KIRREL3: variants seen among roughly 807,000 people sequenced by gnomAD.
KIRREL3 encodes kin of IRRE-like protein 3.
A neutral mutation model predicts 89.7 loss-of-function variants in KIRREL3; 36 were observed. That is an observed-to-expected ratio of 0.40 (90% CI 0.31 to 0.53). The LOEUF (loss-of-function observed/expected upper bound fraction) is 0.53. Among genes scored for constraint, KIRREL3 ranks in the 20% least tolerant of loss-of-function variants. The pLI is 0.49. For missense variants in KIRREL3, 864 were observed against 1,056.6 expected, an observed-to-expected ratio of 0.82 and a Z score of 2.53; for synonymous variants, 445 against 441.4, an observed-to-expected ratio of 1.01 and a Z score of -0.10.
intron 1 of KIRREL3, among the ~76,000 whole-genome samples, chr11:126,982,644 C>T (rs1056571870): frequency 3.3e-5 from 5 of 152,206 alleles, no homozygotes; most frequent in African/African-American, 1.2e-4. Context: ...CAGCCCAACA[C>T]CTCCAGGCGT....
At position 126,473,325 on chromosome 11, in the gene KIRREL3, C is replaced by T; in HGVS notation, c.575G>A (p.Gly192Glu). ...IWLRKGEVIN[G>E]ATYSKTLLRD... ...AGGCCTCACCTTGGAGTAGGTGGCCCCATTGATGACCTCTCCCTTTCGCAA... is the reference window on the plus strand; with the variant it reads ...AGGCCTCACCTTGGAGTAGGTGGCCTCATTGATGACCTCTCCCTTTCGCAA... The change falls in exon 5 of 17, where the codon GGG becomes GAG. Residue 192 changes from glycine to glutamate, a missense_variant. Transcript: ENST00000525144. The T allele has an allele frequency of 1.3e-6, 2 of 1,501,470 alleles. No individual in the cohort carries two copies. Among genetic ancestry groups the T allele is most frequent in the Non-Finnish European group, 1.8e-6 (2 of 1,122,146 alleles). 93.0% of individuals were successfully genotyped at this position (1,501,470 alleles called of 1,614,324 possible). A position where few individuals can be genotyped will look rare whatever the true frequency, so the allele number is the denominator to read the frequency against.
Position 126,772,299 on chromosome 11 carries a change from A to G in KIRREL3, c.56-209387T>C, listed in dbSNP as rs1950042741. Among the ~76,000 whole-genome samples the G allele has an allele frequency of 6.6e-6, 1 of 152,196 alleles. No individual in the cohort carries two copies. The highest frequency in any genetic ancestry group is 2.4e-5 in the African/African-American group (1 of 41,444). On this transcript the variant is annotated intron_variant, in intron 1 of 16. Transcript: ENST00000525144. This position sits in a 1 kb window ranked among gnomAD's most constrained non-coding sequence, Gnocchi z 4.6. The stretch of plus-strand genomic sequence containing the variant: ...AATATTTTTTGGGTCAATGTTTGTA[A>G]GACCAGACTCTTAAATTCAAGGCAG...
chr11:126,877,358 A>G lies in KIRREL3; in HGVS notation c.55+123097T>C, dbSNP rs946581686. 6.6e-6 allele frequency among the ~76,000 whole-genome samples: 1 copy of G among 152,202 alleles called. No homozygotes were observed. Among genetic ancestry groups the G allele is most frequent in the African/African-American group, 2.4e-5 (1 of 41,450 alleles). ...CTTCTGTACATTCAAGTTAAATGTAAGTCAGGTTGGGCAGGGTTTGGTCAG... is the reference window on the plus strand; with the variant it reads ...CTTCTGTACATTCAAGTTAAATGTAGGTCAGGTTGGGCAGGGTTTGGTCAG... On this transcript the variant is annotated intron_variant, in intron 1 of 16. Transcript: ENST00000525144. The surrounding 1 kb of genome is among the most constrained non-coding windows in gnomAD (Gnocchi z 4.9).
chr11:126,560,247 A>G (rs1287186276), intron 2 of KIRREL3, among the ~76,000 whole-genome samples: 4 of 152,008 alleles, frequency 2.6e-5, no homozygotes, highest in Non-Finnish European at 5.9e-5. Flanking sequence ...TGATGGCTCA[A>G]TTGTGTTGGG....
chr11:126,876,538 C>CTT lies in KIRREL3; in HGVS notation c.55+123915_55+123916dup, dbSNP rs34978323. ...CTTACAGTACATACTCATAAATATG[C>CTT]TTTTTTTTTTTTTTTTTGAGATGGA... is the stretch of plus-strand genomic sequence containing the variant. On this transcript the variant is annotated intron_variant, in intron 1 of 16. Coordinates refer to ENST00000525144, the MANE Select transcript of KIRREL3 (RefSeq NM_032531.4). The surrounding 1 kb of genome is among the most constrained non-coding windows in gnomAD (Gnocchi z 4.1). Among the ~76,000 whole-genome samples, 74 of 115,346 alleles carry CTT rather than the reference C, an allele frequency of 6.4e-4. No homozygotes were observed. The highest frequency in any genetic ancestry group is 2.3e-3 in the African/African-American group (70 of 30,942). 75.7% of individuals were successfully genotyped at this position (115,346 alleles called of 152,430 possible).
chr11:126,922,005 A>G lies in KIRREL3; in HGVS notation c.55+78450T>C, dbSNP rs569557572. On this transcript the variant is annotated intron_variant, in intron 1 of 16. Transcript: ENST00000525144. ...TATCTATCTATCTATCTATCTATCTATCATCTATCTTCCTATCTATCTTCC... is the reference window on the plus strand; with the variant it reads ...TATCTATCTATCTATCTATCTATCTGTCATCTATCTTCCTATCTATCTTCC... Among the ~76,000 whole-genome samples, 3 of 128,768 alleles carry G rather than the reference A, an allele frequency of 2.3e-5. No individual in the cohort carries two copies. In the East Asian group the frequency reaches 6.7e-4, roughly 29 times the overall value. 84.5% of individuals were successfully genotyped at this position (128,768 alleles called of 152,430 possible).
chr11:126,671,647 A>G (rs1945955560), intron 1 of KIRREL3, among the ~76,000 whole-genome samples: 1 of 152,250 alleles, frequency 6.6e-6, no homozygotes, highest in Non-Finnish European at 1.5e-5. Flanking sequence ...TCACCAAAGA[A>G]GATACACAGA....
chr11:126,937,658 T>TG lies in KIRREL3; in HGVS notation c.55+62796dup, dbSNP rs530058551. On this transcript the variant is annotated intron_variant, in intron 1 of 16. Coordinates refer to ENST00000525144, the MANE Select transcript of KIRREL3 (RefSeq NM_032531.4). ...GCTCATGCCTGTAATCCCAGCACTT[T>TG]GGAGGCCAAGGCGGGTGGATCACGA... Among the ~76,000 whole-genome samples, 27 of 151,758 alleles carry TG rather than the reference T, an allele frequency of 1.8e-4. No homozygotes were observed. In the East Asian group the frequency reaches 2.7e-3, roughly 15 times the overall value.
At chr11:126,738,543 T>C (rs942293621) in intron 1 of KIRREL3, among the ~76,000 whole-genome samples, 5 of 152,086 alleles carry the variant, frequency 3.3e-5, no homozygotes, top group Non-Finnish European at 7.4e-5. Flanking sequence ...CTATTTTTTT[T>C]CCCCCTAGGA....
chr11:126,566,773 A>T lies in KIRREL3; in HGVS notation c.56-3861T>A, dbSNP rs1477107655. 6.6e-6 allele frequency among the ~76,000 whole-genome samples: 1 copy of T among 152,062 alleles called. No homozygotes were observed. Among genetic ancestry groups the T allele is most frequent in the Non-Finnish European group, 1.5e-5 (1 of 68,008 alleles). ...AGTAATGTAGTGATACGGTGGTATTATTTCATATTTGTGGGATACTTATTT... is the reference window on the plus strand; with the variant it reads ...AGTAATGTAGTGATACGGTGGTATTTTTTCATATTTGTGGGATACTTATTT... On this transcript the variant is annotated intron_variant, in intron 1 of 16. Transcript: ENST00000525144. The surrounding 1 kb of genome is among the most constrained non-coding windows in gnomAD (Gnocchi z 4.9).
rs578023447 is a variant in KIRREL3 at position 126,622,668 on chromosome 11, G to A, written c.56-59756C>T. On this transcript the variant is annotated intron_variant, in intron 1 of 16. Coordinates refer to ENST00000525144, the MANE Select transcript of KIRREL3 (RefSeq NM_032531.4). The surrounding 1 kb of genome is among the most constrained non-coding windows in gnomAD (Gnocchi z 5.2). ...CACGCCAGTGCACTCCAGCCTGGGC[G>A]ACAAGAGCGAAACTCTGTCTCAAAA... 2.6e-5 allele frequency among the ~76,000 whole-genome samples: 4 copies of A among 152,226 alleles called. No homozygotes were observed. The highest frequency in any genetic ancestry group is 2.1e-4 in the South Asian group (1 of 4,820).
Position 126,443,275 on chromosome 11 carries a change from C to T in KIRREL3, c.1252+1704G>A, listed in dbSNP as rs759988090. On this transcript the variant is annotated intron_variant, in intron 10 of 16. Transcript: ENST00000525144. This position sits in a 1 kb window ranked among gnomAD's most constrained non-coding sequence, Gnocchi z 7.3. ...CTGCAGGCACAGACAGCCTGACTTC[C>T]GAGTGCCCTGGCTGGCGCGGGCTGT... Among the ~76,000 whole-genome samples the T allele has an allele frequency of 6.6e-6, 1 of 152,166 alleles. No individual in the cohort carries two copies. The highest frequency in any genetic ancestry group is 1.5e-5 in the Non-Finnish European group (1 of 68,034).
rs1793677 is a variant in KIRREL3 at position 126,870,480 on chromosome 11, G to A, written c.55+129975C>T. Among the ~76,000 whole-genome samples, 34,751 of 152,092 alleles carry A rather than the reference G, an allele frequency of 0.23. 4,786 individuals are homozygous for A. Among genetic ancestry groups the A allele is most frequent in the Non-Finnish European group, 0.31 (21,038 of 67,972 alleles). On this transcript the variant is annotated intron_variant, in intron 1 of 16. Transcript: ENST00000525144. This position sits in a 1 kb window ranked among gnomAD's most constrained non-coding sequence, Gnocchi z 4.4. ...CTTCCATCCCTGGCCTTTAGAGACCGAAGTCTCCTGAAAGGCAGGTCCTTG... is the reference window on the plus strand; with the variant it reads ...CTTCCATCCCTGGCCTTTAGAGACCAAAGTCTCCTGAAAGGCAGGTCCTTG...
chr11:126,663,182 C>CTTTTTTTT (rs61217908), intron 1 of KIRREL3, among the ~76,000 whole-genome samples: 4 of 90,798 alleles, frequency 4.4e-5, no homozygotes, highest in Non-Finnish European at 6.2e-5. Context: ...TCATGTCTGG[C>CTTTTTTTT]TTTTTTTTTT....
chr11:126,687,799 C>G lies in KIRREL3; in HGVS notation c.56-124887G>C, dbSNP rs1236913179. Among the ~76,000 whole-genome samples the G allele has an allele frequency of 1.3e-5, 2 of 152,138 alleles. No homozygotes were observed. Among genetic ancestry groups the G allele is most frequent in the African/African-American group, 4.8e-5 (2 of 41,428 alleles). ...AGAAAAGTCTGCAGGTAATGACAGGCAAAGAGAGATGCGGTGAAATGGCCA... is the reference window on the plus strand; with the variant it reads ...AGAAAAGTCTGCAGGTAATGACAGGGAAAGAGAGATGCGGTGAAATGGCCA... On this transcript the variant is annotated intron_variant, in intron 1 of 16. Coordinates refer to ENST00000525144, the MANE Select transcript of KIRREL3 (RefSeq NM_032531.4). The surrounding 1 kb of genome is among the most constrained non-coding windows in gnomAD (Gnocchi z 4.6).
chr11:126,458,491 T>C (rs1956445888), intron 6 of KIRREL3, among the ~76,000 whole-genome samples: 2 of 152,180 alleles, frequency 1.3e-5, no homozygotes, highest in African/African-American at 4.8e-5. Flanking sequence ...ACTGCTCAGC[T>C]GCCCTCTTCC....
chr11:126,732,529 A>G (rs1358549087), intron 1 of KIRREL3, among the ~76,000 whole-genome samples: 11 of 152,256 alleles, frequency 7.2e-5, no homozygotes, highest in Admixed American at 7.2e-4. Context: ...TAAACAGCTC[A>G]TAACAACAGC....
intron 1 of KIRREL3, among the ~76,000 whole-genome samples, chr11:126,923,334 TTCTCCTTCTC>T (rs1159851834): frequency 1.4e-5 from 2 of 143,844 alleles, no homozygotes; most frequent in African/African-American, 2.6e-5. Flanking sequence ...TTCTTCTTCC[TTCTCCTTCTC>T]CTTCTTCCTT....
rs1239361978 is a variant in KIRREL3 at position 126,526,898 on chromosome 11, C to A, written c.134-211G>T. ...TGGGGGCCTGGCTCCCAGCTCCAGC[C>A]CCTCTGCCCATCAGTCCCTAACACA... On this transcript the variant is annotated intron_variant, in intron 2 of 16. Transcript: ENST00000525144. This position sits in a 1 kb window ranked among gnomAD's most constrained non-coding sequence, Gnocchi z 5.7. Among the ~76,000 whole-genome samples, 1 of 152,192 alleles carries A rather than the reference C, an allele frequency of 6.6e-6. No homozygotes were observed. Among genetic ancestry groups the A allele is most frequent in the African/African-American group, 2.4e-5 (1 of 41,436 alleles).
Sources: allele counts gnomAD v4.1 joint callset (sites outside exome capture counted in the v4.1 genomes callset), GRCh38; gene constraint gnomAD v4.1.1; non-coding constraint Gnocchi (gnomAD v3.1); transcripts MANE v1.5; gene names NCBI Gene and HGNC (gene_info 2026-07-23, HGNC 2026-07-21).